Variants in BABAM2 observed in about 807,000 individuals in gnomAD.
BABAM2 encodes the protein BRISC and BRCA1 A complex member 2.
BABAM2 carries 31 observed loss-of-function variants against 54.7 expected under a neutral mutation model. The ratio of observed to expected loss-of-function variants is 0.57; its 90% CI spans 0.43 to 0.77. BABAM2 has a LOEUF of 0.77. Ranked by LOEUF, BABAM2 falls within the 30% of genes least tolerant of loss-of-function variation. BABAM2 has a pLI of 0.00. For missense variants in BABAM2, 364 were observed against 455.8 expected, an observed-to-expected ratio of 0.80 and a Z score of 1.83; for synonymous variants, 167 against 162.9, an observed-to-expected ratio of 1.03 and a Z score of -0.19.
At chr2:28,316,414 G>C (rs1467641094) in intron 11 of BABAM2, among the ~76,000 whole-genome samples, 1 of 118,130 alleles carries the variant, frequency 8.5e-6, no homozygotes, top group Non-Finnish European at 1.7e-5. Context: ...GGGAGTGGGG[G>C]TGGGGGTGGG....
At chr2:28,108,266 A>G (rs1667698663) in intron 6 of BABAM2, among the ~76,000 whole-genome samples, 1 of 152,200 alleles carries the variant, frequency 6.6e-6, no homozygotes, top group Non-Finnish European at 1.5e-5. Flanking sequence ...CCTATTTAGT[A>G]TAAAATTTTT....
chr2:27,971,852 A>G (rs1418501993), intron 3 of BABAM2, among the ~76,000 whole-genome samples: 2 of 152,176 alleles, frequency 1.3e-5, no homozygotes, highest in African/African-American at 4.8e-5. Context: ...CATTGTAGTT[A>G]TTAAAGAGTT....
At chr2:27,930,896 A>C (rs1046528863) in intron 3 of BABAM2, among the ~76,000 whole-genome samples, 5 of 152,200 alleles carry the variant, frequency 3.3e-5, no homozygotes, top group African/African-American at 1.2e-4. Context: ...ACAGCCTATT[A>C]AGGTTTTTCC....
At chr2:28,012,700 A>AATACATT (rs1674481799) in intron 4 of BABAM2, among the ~76,000 whole-genome samples, 2 of 152,182 alleles carry the variant, frequency 1.3e-5, no homozygotes, top group Non-Finnish European at 2.9e-5. Context: ...TGTTTTGGAA[A>AATACATT]ATACATTATT....
At chr2:28,272,688 G>T (rs1262389857) in intron 10 of BABAM2, among the ~76,000 whole-genome samples, 4 of 152,176 alleles carry the variant, frequency 2.6e-5, no homozygotes. Flanking sequence ...CATCCCAGAG[G>T]TACAGGATAA....
At chr2:28,126,425 A>G (rs895843220) in intron 6 of BABAM2, among the ~76,000 whole-genome samples, 3 of 148,966 alleles carry the variant, frequency 2.0e-5, no homozygotes, top group African/African-American at 7.4e-5. Flanking sequence ...TAGTTTACTG[A>G]GAATGATGAT....
chr2:28,267,358 T>TC (rs1271351574), intron 10 of BABAM2, among the ~76,000 whole-genome samples: 1 of 150,982 alleles, frequency 6.6e-6, no homozygotes, highest in Non-Finnish European at 1.5e-5. Flanking sequence ...AGTCCCTCAC[T>TC]CCCCCATAAA....
chr2:28,320,574 T>C (rs1228035621), intron 11 of BABAM2, among the ~76,000 whole-genome samples: 1 of 152,242 alleles, frequency 6.6e-6, no homozygotes, highest in Non-Finnish European at 1.5e-5. Context: ...CTACTCCACG[T>C]TGCCAGGCCC....
intron 3 of BABAM2, among the ~76,000 whole-genome samples, chr2:27,967,833 T>C (rs1670936034): frequency 6.6e-6 from 1 of 152,230 alleles, no homozygotes. Context: ...ATTTTGCCCC[T>C]GCCCTTGAGC....
intron 7 of BABAM2, among the ~76,000 whole-genome samples, chr2:28,132,339 C>T (rs1670161664): frequency 6.6e-6 from 1 of 152,018 alleles, no homozygotes; most frequent in Admixed American, 6.6e-5. Context: ...GGGGTTTCAC[C>T]ATGTTAGCCA....
intron 10 of BABAM2, among the ~76,000 whole-genome samples, chr2:28,287,400 C>T (rs558422725): frequency 2.6e-5 from 4 of 152,304 alleles, no homozygotes; most frequent in Non-Finnish European, 4.4e-5. Flanking sequence ...CTCTCTTGCT[C>T]AATTTCTTTC....
chr2:28,019,341 A>ATT lies in BABAM2; in HGVS notation c.301-5876_301-5875dup, dbSNP rs35338642. Among the ~76,000 whole-genome samples, 267 of 150,448 alleles carry ATT rather than the reference A, an allele frequency of 1.8e-3. 1 individual carries two copies. The highest frequency in any genetic ancestry group is 5.0e-3 in the African/African-American group (205 of 41,084). On this transcript the variant is annotated intron_variant, in intron 4 of 11. Transcript: ENST00000379624. ...TGCACGTGTCTCACTTCTTAATGAGATTTTTTTTTTCTTGCTGATATGTTT... is the reference window on the plus strand; with the variant it reads ...TGCACGTGTCTCACTTCTTAATGAGATTTTTTTTTTTTCTTGCTGATATGTTT...
intron 11 of BABAM2, among the ~76,000 whole-genome samples, chr2:28,334,311 G>A (rs540901860): frequency 1.2e-4 from 18 of 152,396 alleles, no homozygotes; most frequent in African/African-American, 4.3e-4. Context: ...TCGGGACCCA[G>A]TGTGACTCTG....
chr2:28,061,584 CAA>C (rs397871191), intron 6 of BABAM2, among the ~76,000 whole-genome samples: 6 of 54,082 alleles, frequency 1.1e-4, no homozygotes, highest in Admixed American at 2.0e-4. Flanking sequence ...GACTCTGTCT[CAA>C]AAAAAAAAAA....
At chr2:28,208,267 A>G (rs1372050073) in intron 7 of BABAM2, among the ~76,000 whole-genome samples, 2 of 152,228 alleles carry the variant, frequency 1.3e-5, no homozygotes, top group East Asian at 1.9e-4. Context: ...TTGTGTCTGT[A>G]TCAGGCTGTT....
In BABAM2 at chr2:27,894,818, A is replaced by AT. The variant is rs1375033263; in HGVS notation, c.128+136dup. ...CAAGTCATCATCTCATCATATGTTG[A>AT]TTCAGTTGGTTTTGTTCAGTTCTTG... On this transcript the variant is annotated intron_variant, in intron 2 of 11. Transcript: ENST00000379624. 5 of 1,039,652 alleles carry AT rather than the reference A, an allele frequency of 4.8e-6. No individual in the cohort carries two copies. In the African/African-American group the frequency reaches 8.1e-5, roughly 17 times the overall value. The allele number at this position is 1,039,652 out of a possible 1,614,324, so 64.4% of individuals were successfully genotyped here.
chr2:27,988,116 C>A, intron 4 of BABAM2, 29 bp downstream of exon 4: 1 of 1,594,306 alleles, frequency 6.3e-7, no homozygotes, highest in Non-Finnish European at 8.6e-7. Flanking sequence ...CTTGAATGAT[C>A]TTTCTTTGGT....
At chr2:28,200,932 C>A (rs1678198780) in intron 7 of BABAM2, among the ~76,000 whole-genome samples, 1 of 152,120 alleles carries the variant, frequency 6.6e-6, no homozygotes, top group East Asian at 1.9e-4. Context: ...CCACACCTGG[C>A]TAATTTTTTT....
At chr2:28,183,739 T>TCTCTCTCACACACA (rs1553336494) in intron 7 of BABAM2, among the ~76,000 whole-genome samples, 9 of 133,216 alleles carry the variant, frequency 6.8e-5, no homozygotes, top group African/African-American at 1.9e-4. Flanking sequence ...TGGATGAAGA[T>TCTCTCTCACACACA]CACACACACA....
Sources: allele counts gnomAD v4.1 joint callset (sites outside exome capture counted in the v4.1 genomes callset), GRCh38; gene constraint gnomAD v4.1.1; transcripts MANE v1.5; gene names NCBI Gene and HGNC (gene_info 2026-07-23, HGNC 2026-07-21).